The following RGS6 variants were observed in gnomAD, a reference collection of about 807,000 sequenced individuals.
The protein encoded by RGS6 is regulator of G protein signaling 6.
Under a neutral mutation model 78.5 loss-of-function variants are expected in RGS6, and 30 were observed. The ratio of observed to expected loss-of-function variants is 0.38; its 90% CI spans 0.29 to 0.52. The LOEUF (loss-of-function observed/expected upper bound fraction) is 0.52. Among genes scored for constraint, RGS6 ranks in the 20% least tolerant of loss-of-function variants. The pLI, the probability that RGS6 is intolerant of heterozygous loss-of-function variation, is 0.85. For missense variants in RGS6, 495 were observed against 609.7 expected (o/e 0.81, Z 1.98); for synonymous variants, 206 against 206.0 (o/e 1.00, Z 0.00).
chr14:72,450,097 C>G (rs548081717), intron 3 of RGS6, among the ~76,000 whole-genome samples: 4 of 151,972 alleles, frequency 2.6e-5, no homozygotes, highest in East Asian at 1.9e-4. Context: ...TGATGCCTCC[C>G]GCTCCCCAAA....
intron 2 of RGS6, among the ~76,000 whole-genome samples, chr14:72,316,719 C>T (rs948471869): frequency 4.6e-5 from 7 of 152,262 alleles, no homozygotes; most frequent in South Asian, 2.1e-4. Context: ...CCATTGCATT[C>T]CTTATTACAC....
the RGS6 span, among the ~76,000 whole-genome samples, chr14:72,574,984 T>C: frequency 6.6e-6 from 1 of 151,948 alleles, no homozygotes; most frequent in Non-Finnish European, 1.5e-5. Flanking sequence ...TCAATGAATA[T>C]GGGGGTTGGA....
chr14:72,216,431 A>G (rs1387154872), intron 2 of RGS6, among the ~76,000 whole-genome samples: 2 of 152,232 alleles, frequency 1.3e-5, no homozygotes, highest in Non-Finnish European at 2.9e-5. Context: ...AACAAATGTA[A>G]GGCACCGCAC....
At chr14:71,869,342 A>G in the RGS6 span, among the ~76,000 whole-genome samples, 1 of 152,342 alleles carries the variant, frequency 6.6e-6, no homozygotes, top group South Asian at 2.1e-4. Flanking sequence ...CTGCCAGAAG[A>G]AAGTGAAATT....
In RGS6 at chr14:72,529,938, G is replaced by C. The variant is rs567808696; in HGVS notation, c.1279-6248G>C. 4.6e-5 allele frequency among the ~76,000 whole-genome samples: 7 copies of C among 152,338 alleles called. No individual in the cohort carries two copies. The South Asian group carries it at 1.5e-3, about 32-fold the overall frequency. On this transcript the variant is annotated intron_variant, in intron 15 of 17. Transcript: ENST00000553525. The stretch of plus-strand genomic sequence containing the variant: ...GTCTTATTCAGGCTGTTATCTCAGC[G>C]TCTGACACAGTGCCCTGGCACCTAG...
intron 3 of RGS6, among the ~76,000 whole-genome samples, chr14:72,448,579 A>C (rs528882825): frequency 2.6e-5 from 4 of 152,228 alleles, no homozygotes; most frequent in Non-Finnish European, 4.4e-5. Context: ...AATGGAGATA[A>C]TAATATGCTA....
At chr14:72,302,659 GC>G (rs2066337197) in intron 2 of RGS6, among the ~76,000 whole-genome samples, 3 of 151,118 alleles carry the variant, frequency 2.0e-5, no homozygotes, top group Admixed American at 6.6e-5. Context: ...GGCCTCAGAG[GC>G]CCCCAACACA....
intron 13 of RGS6, among the ~76,000 whole-genome samples, chr14:72,498,053 C>A (rs544124113): frequency 1.3e-5 from 2 of 152,080 alleles, no homozygotes; most frequent in Non-Finnish European, 2.9e-5. Flanking sequence ...GGTGTCCATT[C>A]TGTGATTTTA....
chr14:72,098,115 T>A (rs1597506679), intron 2 of RGS6, among the ~76,000 whole-genome samples: 1 of 152,256 alleles, frequency 6.6e-6, no homozygotes. Context: ...GACATAGCTG[T>A]GCTGTTGTTC....
intron 2 of RGS6, among the ~76,000 whole-genome samples, chr14:72,159,006 G>T (rs1598566455): frequency 6.6e-6 from 1 of 152,216 alleles, no homozygotes; most frequent in South Asian, 2.1e-4. Context: ...TTTAGAAGGT[G>T]AATGAGCTAA....
chr14:72,008,573 G>A lies in RGS6; in HGVS notation c.84+43698G>A, dbSNP rs117272558. On this transcript the variant is annotated intron_variant, in intron 2 of 17. Coordinates refer to ENST00000553525, the MANE Select transcript of RGS6 (RefSeq NM_001204424.2). ...CAAATGGCATAAGTGATGGTATGTC[G>A]CTCTCAATATTAGTTTATTAAAGAC... 1.1e-4 allele frequency among the ~76,000 whole-genome samples: 17 copies of A among 152,204 alleles called. No homozygotes were observed. In the East Asian group the frequency reaches 2.1e-3, roughly 19 times the overall value.
At chr14:72,307,566 TGA>T (rs2067547061) in intron 2 of RGS6, among the ~76,000 whole-genome samples, 1 of 152,324 alleles carries the variant, frequency 6.6e-6, no homozygotes, top group Non-Finnish European at 1.5e-5. Flanking sequence ...TATCAAATAC[TGA>T]GAGACTGTTT....
At chr14:71,941,938 C>G (rs569119996) in intron 1 of RGS6, among the ~76,000 whole-genome samples, 14 of 152,308 alleles carry the variant, frequency 9.2e-5, no homozygotes, top group African/African-American at 2.9e-4. Flanking sequence ...CAGTAAGCTC[C>G]TTACAGGCCA....
chr14:72,372,345 A>G (rs371701604), intron 3 of RGS6, among the ~76,000 whole-genome samples: 186 of 152,294 alleles, frequency 1.2e-3, no homozygotes, highest in Middle Eastern at 6.8e-3. Flanking sequence ...AGTCATTTTT[A>G]TATAAAATTT....
At chr14:72,556,163 T>TAAAG (rs10584897) in intron 17 of RGS6, among the ~76,000 whole-genome samples, 3 of 152,212 alleles carry the variant, frequency 2.0e-5, no homozygotes, top group African/African-American at 4.8e-5. Flanking sequence ...CACAATGCTA[T>TAAAG]AAAGAAATAC....
chr14:71,914,533 T>C, the RGS6 span, among the ~76,000 whole-genome samples: 1 of 152,214 alleles, frequency 6.6e-6, no homozygotes, highest in Non-Finnish European at 1.5e-5. Context: ...AGCTTGCCTT[T>C]AAGTCTTAAC....
At chr14:72,580,949 C>A in the RGS6 span, among the ~76,000 whole-genome samples, 2 of 152,318 alleles carry the variant, frequency 1.3e-5, no homozygotes, top group South Asian at 4.1e-4. Context: ...AGAGTCCCTG[C>A]AAAAGTGGTT....
In RGS6 at chr14:72,035,168, AG is replaced by A. The variant is rs1170933706; in HGVS notation, c.84+70298del. ...CCTTGGAATGTATTCCCCATGTATAAGGGGGAACTGCTATATTGCTATGTTC... is the reference window on the plus strand; with the variant it reads ...CCTTGGAATGTATTCCCCATGTATAAGGGGAACTGCTATATTGCTATGTTC... On this transcript the variant is annotated intron_variant, in intron 2 of 17. Transcript: ENST00000553525. 9.9e-5 allele frequency among the ~76,000 whole-genome samples: 15 copies of A among 152,262 alleles called. No individual in the cohort carries two copies. The East Asian group carries it at 2.9e-3, about 29-fold the overall frequency.
At chr14:72,157,601 TTCA>T (rs2096790739) in intron 2 of RGS6, among the ~76,000 whole-genome samples, 1 of 152,190 alleles carries the variant, frequency 6.6e-6, no homozygotes, top group South Asian at 2.1e-4. Context: ...ACAAGATATT[TTCA>T]GGACCACTTG....
Sources: allele counts gnomAD v4.1 joint callset (sites outside exome capture counted in the v4.1 genomes callset), GRCh38; gene constraint gnomAD v4.1.1; transcripts MANE v1.5; gene names NCBI Gene and HGNC (gene_info 2026-07-23, HGNC 2026-07-21).